MEF2C: variants seen among roughly 807,000 people sequenced by gnomAD.
MEF2C encodes the protein myocyte-specific enhancer factor 2C.
A neutral mutation model predicts 50.5 loss-of-function variants in MEF2C; 6 were observed. That is an observed-to-expected ratio of 0.12 (90% confidence interval 0.07 to 0.23). The LOEUF is 0.23. Among genes scored for constraint, MEF2C ranks in the 10% least tolerant of loss-of-function variants. The probability of loss-of-function intolerance (pLI) is 1.00; values close to 1 mark genes in which losing one functional copy is unlikely to be tolerated. For missense variants in MEF2C, 276 were observed against 605.0 expected (o/e 0.46, Z 5.70); for synonymous variants, 183 against 228.0 (o/e 0.80, Z 1.78).
At chr5:88,858,912 C>T (rs575176430) in intron 1 of MEF2C, among the ~76,000 whole-genome samples, 1 of 152,122 alleles carries the variant, frequency 6.6e-6, no homozygotes, top group African/African-American at 2.4e-5. Context: ...AGTAGTGAGA[C>T]GTGTATTTTG....
At chr5:88,744,270 G>A (rs1768269194) in intron 6 of MEF2C, 1 of 554,348 alleles carries the variant, frequency 1.8e-6, no homozygotes, top group East Asian at 1.5e-4. Context: ...AAGCTTTAAT[G>A]TGGTCAGGCA....
At chr5:88,814,332 T>C (rs1804305082) in intron 2 of MEF2C, among the ~76,000 whole-genome samples, 1 of 152,074 alleles carries the variant, frequency 6.6e-6, no homozygotes, top group Non-Finnish European at 1.5e-5. Context: ...ACTTGTGTTC[T>C]AGACAAGCGT....
At chr5:88,764,774 C>T (rs1459467350) in intron 3 of MEF2C, among the ~76,000 whole-genome samples, 1 of 135,864 alleles carries the variant, frequency 7.4e-6, no homozygotes, top group Non-Finnish European at 1.5e-5. Context: ...CACCACTGCA[C>T]TTCAGCCTGG....
intron 1 of MEF2C, among the ~76,000 whole-genome samples, chr5:88,875,272 G>GCTCACATT (rs899891903): frequency 1.3e-5 from 2 of 151,892 alleles, no homozygotes; most frequent in Non-Finnish European, 2.9e-5. Context: ...AAAACTAAAA[G>GCTCACATT]CTCACATTTT....
intron 1 of MEF2C, among the ~76,000 whole-genome samples, chr5:88,827,966 G>T (rs1488088131): frequency 6.7e-6 from 1 of 149,968 alleles, no homozygotes; most frequent in Admixed American, 6.7e-5. Context: ...TGGTTATTGA[G>T]TTTCTCGAGG....
At chr5:88,866,040 C>G (rs537451646) in intron 1 of MEF2C, among the ~76,000 whole-genome samples, 19 of 152,156 alleles carry the variant, frequency 1.2e-4, no homozygotes, top group African/African-American at 4.3e-4. Flanking sequence ...GGGCTACAGG[C>G]GCCCGCAACC....
chr5:88,819,169 CTT>C (rs962868008), intron 2 of MEF2C, among the ~76,000 whole-genome samples: 2 of 151,842 alleles, frequency 1.3e-5, no homozygotes, highest in African/African-American at 4.8e-5. Context: ...AACTATGCCT[CTT>C]AGCCATTTGA....
intron 3 of MEF2C, among the ~76,000 whole-genome samples, chr5:88,799,909 CACACAGAG>C (rs149419338): frequency 0.34 from 42,476 of 126,094 alleles, 6,625 homozygotes; most frequent in Non-Finnish European, 0.42. Flanking sequence ...CACACACACA[CACACAGAG>C]AGAGAGACAC....
At chr5:88,849,004 C>T (rs912739746) in intron 1 of MEF2C, among the ~76,000 whole-genome samples, 3 of 151,430 alleles carry the variant, frequency 2.0e-5, no homozygotes, top group Non-Finnish European at 4.4e-5. Context: ...TACAAAAATT[C>T]GCCGGGCATG....
chr5:88,726,464 C>T (rs375931251), intron 10 of MEF2C, among the ~76,000 whole-genome samples: 1 of 151,940 alleles, frequency 6.6e-6, no homozygotes, highest in Non-Finnish European at 1.5e-5. Flanking sequence ...TGTGAAGGAA[C>T]CTCCTTTCAA....
In MEF2C at chr5:88,734,238, G is replaced by A. The variant is rs563743944; in HGVS notation, c.638-2337C>T. On this transcript the variant is annotated intron_variant, in intron 6 of 10. Transcript: ENST00000504921. ...GCTCTATACTTTGCTGTCAGCTGAAGGTCAGATGGACACACTGAAGACATA... is the reference window on the plus strand; with the variant it reads ...GCTCTATACTTTGCTGTCAGCTGAAAGTCAGATGGACACACTGAAGACATA... 20 of 985,244 alleles carry A rather than the reference G, an allele frequency of 2.0e-5. No individual in the cohort carries two copies. In the East Asian group the frequency reaches 1.6e-3, roughly 78 times the overall value. The allele number at this position is 985,244 out of a possible 1,614,324, so 61.0% of individuals were successfully genotyped here. A position where few individuals can be genotyped will look rare whatever the true frequency, so the allele number is the denominator to read the frequency against.
intron 1 of MEF2C, among the ~76,000 whole-genome samples, chr5:88,834,029 T>A (rs1814065112): frequency 6.6e-6 from 1 of 152,102 alleles, no homozygotes; most frequent in Non-Finnish European, 1.5e-5. Context: ...TATCCTCCCT[T>A]TATCTGTGCA....
intron 3 of MEF2C, among the ~76,000 whole-genome samples, chr5:88,796,905 T>A (rs1205185251): frequency 6.6e-6 from 1 of 152,230 alleles, no homozygotes; most frequent in Non-Finnish European, 1.5e-5. Context: ...CAGGAGCAGG[T>A]TCTTGAGGTT....
intron 3 of MEF2C, among the ~76,000 whole-genome samples, chr5:88,789,431 G>A (rs1383808873): frequency 4.0e-5 from 6 of 151,758 alleles, no homozygotes; most frequent in Admixed American, 3.3e-4. Flanking sequence ...GCCTCCCAAA[G>A]TGCTGGGATT....
At chr5:88,846,701 CCTT>C (rs997903573) in intron 1 of MEF2C, among the ~76,000 whole-genome samples, 5 of 152,098 alleles carry the variant, frequency 3.3e-5, no homozygotes, top group Admixed American at 1.3e-4. Context: ...GTTGGAGCTG[CCTT>C]CTTCTTTTTT....
At chr5:88,835,415 CT>C (rs895902828) in intron 1 of MEF2C, among the ~76,000 whole-genome samples, 1 of 152,056 alleles carries the variant, frequency 6.6e-6, no homozygotes, top group African/African-American at 2.4e-5. Context: ...ACATCCCCAC[CT>C]ATAGATTAAG....
intron 2 of MEF2C, among the ~76,000 whole-genome samples, chr5:88,811,638 C>T (rs939781918): frequency 1.5e-4 from 23 of 152,032 alleles, no homozygotes; most frequent in Admixed American, 1.2e-3. Flanking sequence ...ACATTATCGC[C>T]TCTAATTTCC....
chr5:88,799,870 T>TCTCA (rs1797587118), intron 3 of MEF2C, among the ~76,000 whole-genome samples: 3 of 107,416 alleles, frequency 2.8e-5, no homozygotes, highest in Non-Finnish European at 6.2e-5. Flanking sequence ...TCTCTCTCTC[T>TCTCA]CACACACACA....
At chr5:88,804,508 G>C (rs1410156366) in intron 3 of MEF2C, 90 bp downstream of exon 3, 7 of 1,146,670 alleles carry the variant, frequency 6.1e-6, no homozygotes, top group Non-Finnish European at 6.4e-6. Context: ...TTAAGAAAAA[G>C]AACATGATGT....
Sources: allele counts gnomAD v4.1 joint callset (sites outside exome capture counted in the v4.1 genomes callset), GRCh38; gene constraint gnomAD v4.1.1; transcripts MANE v1.5; gene names NCBI Gene and HGNC (gene_info 2026-07-23, HGNC 2026-07-21).